Variants in MTREX observed in about 807,000 individuals in gnomAD.
The protein encoded by MTREX is Mtr4 exosome RNA helicase.
Under a neutral mutation model 135.4 loss-of-function variants are expected in MTREX, and 76 were observed. The ratio of observed to expected loss-of-function variants is 0.56; its 90% confidence interval spans 0.47 to 0.68. The LOEUF (loss-of-function observed/expected upper bound fraction) is 0.68. Ranked by LOEUF, MTREX falls within the 30% of genes least tolerant of loss-of-function variation. The pLI, the probability that MTREX is intolerant of heterozygous loss-of-function variation, is 0.00. For missense variants in MTREX, 920 were observed against 1,262.1 expected, an observed-to-expected ratio of 0.73 and a Z score of 4.11; for synonymous variants, 404 against 401.6, an observed-to-expected ratio of 1.01 and a Z score of -0.07.
chr5:55,410,379 C>G, intron 22 of MTREX, 145 bp from the exon 23 acceptor site: 1 of 436,264 alleles, frequency 2.3e-6, no homozygotes, highest in Non-Finnish European at 4.1e-6. Flanking sequence ...TCTACTATGT[C>G]CTTAAATAAA....
intron 16 of MTREX, among the ~76,000 whole-genome samples, chr5:55,369,416 G>GAA (rs1420783827): frequency 1.3e-5 from 2 of 152,188 alleles, no homozygotes; most frequent in Non-Finnish European, 2.9e-5. Context: ...ATAACCAAGT[G>GAA]AAACAGAAGT....
At chr5:55,368,326 C>G in intron 16 of MTREX, among the ~76,000 whole-genome samples, 1 of 152,082 alleles carries the variant, frequency 6.6e-6, no homozygotes, top group Non-Finnish European at 1.5e-5. Context: ...TGGTGGGCAC[C>G]TGTAATCCCA....
intron 16 of MTREX, among the ~76,000 whole-genome samples, chr5:55,376,963 C>G (rs1750313534): frequency 6.6e-6 from 1 of 151,792 alleles, no homozygotes; most frequent in South Asian, 2.1e-4. Flanking sequence ...CTCAGCTACT[C>G]AGGAGGCTGA....
At chr5:55,319,743 T>A (rs187274185) in intron 1 of MTREX, among the ~76,000 whole-genome samples, 10 of 152,278 alleles carry the variant, frequency 6.6e-5, no homozygotes, top group Non-Finnish European at 2.9e-5. Flanking sequence ...TACCAAGCTA[T>A]GAGAGAAATA....
chr5:55,330,615 AT>A (rs941781488), intron 5 of MTREX, among the ~76,000 whole-genome samples: 6 of 142,000 alleles, frequency 4.2e-5, no homozygotes, highest in Non-Finnish European at 3.1e-5. Flanking sequence ...TGCTTCTTTG[AT>A]TTTTTTTTTA....
At chr5:55,422,679 G>A (rs1439178022) in intron 25 of MTREX, among the ~76,000 whole-genome samples, 199 bp from the exon 26 acceptor site, 1 of 152,168 alleles carries the variant, frequency 6.6e-6, no homozygotes, top group Non-Finnish European at 1.5e-5. Context: ...ATAAACAGGT[G>A]TCTCTACCAT....
rs763246986 is a variant in MTREX, at chr5:55,349,613, A to G, written c.1281A>G (p.Ala427=). 1 of 1,605,536 alleles carries G rather than the reference A, an allele frequency of 6.2e-7. No individual in the cohort carries two copies. Among genetic ancestry groups the G allele is most frequent in the Middle Eastern group, 1.7e-4 (1 of 6,002 alleles). The change falls in exon 12 of 27, where the codon GCA becomes GCG. Residue 427 remains alanine (A), a synonymous_variant. Coordinates refer to ENST00000230640, the MANE Select transcript of MTREX (RefSeq NM_015360.5). ...KKMVEEVFSN[A]IDCLSDEDKK... Reference sequence around the variant, plus strand: ...TGGTTGAAGAAGTATTCAGTAATGCAATTGATTGCTTATCCGATGAAGATA... The same window carrying G: ...TGGTTGAAGAAGTATTCAGTAATGCGATTGATTGCTTATCCGATGAAGATA...
chr5:55,332,665 G>A (rs534903421), intron 5 of MTREX, among the ~76,000 whole-genome samples: 1 of 152,256 alleles, frequency 6.6e-6, no homozygotes, highest in East Asian at 1.9e-4. Context: ...TTTAACTGGG[G>A]CCCACCCCCT....
chr5:55,372,456 T>C (rs1448619794), intron 16 of MTREX, among the ~76,000 whole-genome samples: 2 of 151,084 alleles, frequency 1.3e-5, no homozygotes, highest in Non-Finnish European at 1.5e-5. Context: ...TACCATGAGC[T>C]ATACTGTTAG....
chr5:55,329,966 T>C (rs568362163), intron 5 of MTREX, among the ~76,000 whole-genome samples: 1 of 152,148 alleles, frequency 6.6e-6, no homozygotes, highest in East Asian at 1.9e-4. Flanking sequence ...TATTCATTTT[T>C]TTTCTTTTGA....
At chr5:55,327,212 C>A (rs1183755224) in intron 3 of MTREX, among the ~76,000 whole-genome samples, 1 of 152,168 alleles carries the variant, frequency 6.6e-6, no homozygotes, top group Non-Finnish European at 1.5e-5. Flanking sequence ...GGTATATACC[C>A]AGTAATGGGA....
chr5:55,324,926 A>G (rs1469394514), intron 3 of MTREX, among the ~76,000 whole-genome samples: 1 of 152,164 alleles, frequency 6.6e-6, no homozygotes, highest in Admixed American at 6.5e-5. Context: ...AAGTTAAGTA[A>G]CAGTGCTATT....
Position 55,388,073 on chromosome 5 carries a change from G to C in MTREX, c.2152G>C (p.Ala718Pro). ...KNSATEAAKPAKPDEKGEMQV... is the reference protein window; with the variant it reads ...KNSATEAAKPPKPDEKGEMQV... Reference sequence around the variant, plus strand: ...TTCAGCTACAGAAGCTGCAAAACCAGCTAAACCTGATGAGAAAGGAGAGAT... The same window carrying C: ...TTCAGCTACAGAAGCTGCAAAACCACCTAAACCTGATGAGAAAGGAGAGAT... Residue 718 changes from alanine (A) to proline (P), a missense_variant, in exon 19 of 27, where the codon GCT becomes CCT. Physicochemically the swap from Ala to Pro is conservative, Grantham distance 27. Around this residue, in one of 6 missense-constraint regions of MTREX, gnomAD observed 467 missense variants for 589.7 expected, o/e 0.79. Coordinates refer to ENST00000230640, the MANE Select transcript of MTREX (RefSeq NM_015360.5). 6.2e-7 allele frequency: 1 copy of C among 1,608,000 alleles called. No homozygotes were observed. The highest frequency in any genetic ancestry group is 8.5e-7 in the Non-Finnish European group (1 of 1,175,762).
Position 55,344,706 on chromosome 5 carries a change from A to G in MTREX, c.1005+86A>G. On this transcript the variant is annotated intron_variant, in intron 9 of 26. Coordinates refer to ENST00000230640, the MANE Select transcript of MTREX (RefSeq NM_015360.5). ...TGTTGTTGTTTTTAAATTTTGAATT[A>G]GAGAAGAATGGAAAAGATACATTTG... The G allele has an allele frequency of 4.0e-6, 3 of 747,774 alleles. No homozygotes were observed. The South Asian group carries it at 6.7e-5, about 17-fold the overall frequency. 46.3% of individuals were successfully genotyped at this position (747,774 alleles called of 1,614,324 possible). A position where few individuals can be genotyped will look rare whatever the true frequency, so the allele number is the denominator to read the frequency against.
intron 1 of MTREX, among the ~76,000 whole-genome samples, chr5:55,316,400 C>G (rs1398602208): frequency 6.6e-6 from 1 of 152,138 alleles, no homozygotes; most frequent in Non-Finnish European, 1.5e-5. Flanking sequence ...TACTTGCAAA[C>G]CAAATCCAGC....
chr5:55,330,781 C>T (rs1344687427), intron 5 of MTREX, among the ~76,000 whole-genome samples: 1 of 151,762 alleles, frequency 6.6e-6, no homozygotes, highest in Non-Finnish European at 1.5e-5. Context: ...CAAATATTGC[C>T]CTTCCTTTAT....
At position 55,425,520 on chromosome 5, in the gene MTREX, T is replaced by C. The variant is rs1751159754; in HGVS notation, c.*748T>C. On this transcript the variant is annotated 3_prime_UTR_variant, in exon 27 of 27. Transcript: ENST00000230640. ...AGATTATTCCAAATTAAGAGTTGCTTTGTTATGCCTTCAGCAAATAGCTTC... is the reference window on the plus strand; with the variant it reads ...AGATTATTCCAAATTAAGAGTTGCTCTGTTATGCCTTCAGCAAATAGCTTC... 3.7e-6 allele frequency: 2 copies of C among 541,722 alleles called. No individual in the cohort carries two copies. Among genetic ancestry groups the C allele is most frequent in the Non-Finnish European group, 6.0e-6 (2 of 331,400 alleles). The allele number at this position is 541,722 out of a possible 1,614,324, so 33.6% of individuals were successfully genotyped here. A position where few individuals can be genotyped will look rare whatever the true frequency, so the allele number is the denominator to read the frequency against.
intron 7 of MTREX, among the ~76,000 whole-genome samples, chr5:55,342,220 T>G (rs1201870865): frequency 1.3e-5 from 2 of 152,220 alleles, no homozygotes; most frequent in Non-Finnish European, 2.9e-5. Flanking sequence ...CTTCTTTAAA[T>G]AGTGGACAAC....
chr5:55,348,520 A>G (rs1454702854), intron 11 of MTREX, among the ~76,000 whole-genome samples: 1 of 152,196 alleles, frequency 6.6e-6, no homozygotes, highest in Non-Finnish European at 1.5e-5. Flanking sequence ...GTGAAAAGTA[A>G]ATAATATCTT....
Sources: allele counts gnomAD v4.1 joint callset (sites outside exome capture counted in the v4.1 genomes callset), GRCh38; gene constraint gnomAD v4.1.1; regional missense constraint gnomAD v4.1.1; transcripts MANE v1.5; gene names NCBI Gene and HGNC (gene_info 2026-07-23, HGNC 2026-07-21).